UBE3B: variants seen among roughly 807,000 people sequenced by gnomAD.
The protein encoded by UBE3B is ubiquitin protein ligase E3B.
A neutral mutation model predicts 132.3 loss-of-function variants in UBE3B; 80 were observed. The ratio of observed to expected loss-of-function variants is 0.60; its 90% CI spans 0.50 to 0.73. The LOEUF (loss-of-function observed/expected upper bound fraction) is 0.73, where lower values mean the gene tolerates loss of function less well. Ranked by LOEUF, UBE3B falls within the 30% of genes least tolerant of loss-of-function variation. The pLI, the probability that UBE3B is intolerant of heterozygous loss-of-function variation, is 0.00. For missense variants in UBE3B, 1,196 were observed against 1,362.5 expected, an observed-to-expected ratio of 0.88 and a Z score of 1.92; for synonymous variants, 487 against 520.4, an observed-to-expected ratio of 0.94 and a Z score of 0.87.
At chr12:109,480,921 G>A (rs895905779) in intron 1 of UBE3B, among the ~76,000 whole-genome samples, 1 of 152,036 alleles carries the variant, frequency 6.6e-6, no homozygotes, top group Admixed American at 6.6e-5. Flanking sequence ...TAGGTAATTG[G>A]GGTCTTATTG....
chr12:109,490,373 T>C, intron 8 of UBE3B: 1 of 1,492,186 alleles, frequency 6.7e-7, no homozygotes. Flanking sequence ...CTTTGTACCT[T>C]GTTGTGCCAG....
intron 6 of UBE3B, among the ~76,000 whole-genome samples, chr12:109,487,433 C>T (rs1203701475): frequency 2.0e-5 from 3 of 152,208 alleles, no homozygotes; most frequent in Admixed American, 2.0e-4. Context: ...CGCCCCCAAC[C>T]CCAGTAATAA....
intron 27 of UBE3B, chr12:109,533,867 T>A (rs750638203): frequency 7.8e-7 from 1 of 1,288,102 alleles, no homozygotes; most frequent in Non-Finnish European, 1.0e-6. Context: ...GCTCCAGATC[T>A]GAGGCAGCAT....
intron 18 of UBE3B, 27 bp downstream of exon 18, chr12:109,511,330 G>A (rs1356019817): frequency 8.7e-6 from 14 of 1,604,346 alleles, no homozygotes; most frequent in African/African-American, 1.3e-5. Context: ...GCTGGGCCCC[G>A]ATGTGTCTTT....
At chr12:109,488,771 G>A (rs2135819050) in intron 7 of UBE3B, 103 bp downstream of exon 7, 1 of 1,056,074 alleles carries the variant, frequency 9.5e-7, no homozygotes. Flanking sequence ...AAGCCTCAGG[G>A]AAGGCCCTGA....
At chr12:109,526,850 G>A (rs1459213207) in intron 24 of UBE3B, among the ~76,000 whole-genome samples, 1 of 145,530 alleles carries the variant, frequency 6.9e-6, no homozygotes, top group Admixed American at 6.9e-5. Flanking sequence ...CAGCCTGGGC[G>A]ACAGAGTGAG....
chr12:109,524,844 T>A (rs1398001494), intron 23 of UBE3B, among the ~76,000 whole-genome samples: 4 of 151,964 alleles, frequency 2.6e-5, no homozygotes, highest in Non-Finnish European at 5.9e-5. Flanking sequence ...AGATGCCACC[T>A]GAGAAGCGCC....
In UBE3B at chr12:109,534,693, C is replaced by A; in HGVS notation, c.3118C>A (p.Leu1040Ile). 6.2e-7 allele frequency: 1 copy of A among 1,608,854 alleles called. No individual in the cohort carries two copies. ...CACCTCCTCCACCTGCTTCAACCTG[C>A]TCAAGCTGCCCAACTACAGCAAGAA... The part of the protein sequence containing the change: ...LPTSSTCFNL[L>I]KLPNYSKKSV... The change falls in exon 28 of 28, where the codon CTC becomes ATC. Residue 1040 changes from leucine to isoleucine, a missense_variant. Leu to Ile is a conservative substitution (Grantham distance 5). Coordinates refer to ENST00000342494, the MANE Select transcript of UBE3B (RefSeq NM_130466.4). This position sits in a 1 kb window ranked among gnomAD's most constrained non-coding sequence, Gnocchi z 5.2.
intron 14 of UBE3B, among the ~76,000 whole-genome samples, chr12:109,506,664 C>G (rs1277692729): frequency 2.0e-5 from 3 of 152,302 alleles, no homozygotes; most frequent in East Asian, 1.9e-4. Context: ...AAATCTGTTT[C>G]TTTACACATT....
rs1477148918 is a variant in UBE3B at position 109,503,154 on chromosome 12, A to T, written c.1414A>T (p.Thr472Ser). The change falls in exon 14 of 28, where the codon ACA (threonine) becomes TCA (serine). Residue 472 changes from threonine (T) to serine (S), a missense_variant. Physicochemically the swap from Thr to Ser is moderately conservative, Grantham distance 58. Transcript: ENST00000342494. ...CTGTGTCCTCTACCAGACCTCGCTG[A>T]CAACTCTCACACAGATTCGGCTGCA... is the stretch of plus-strand genomic sequence containing the variant. ...NICVLYQTSL[T>S]TLTQIRLQIL... The T allele has an allele frequency of 6.2e-7, 1 of 1,614,232 alleles. No individual in the cohort carries two copies. The highest frequency in any genetic ancestry group is 8.5e-7 in the Non-Finnish European group (1 of 1,180,048).
intron 17 of UBE3B, 28 bp downstream of exon 17, chr12:109,510,486 A>C (rs1880239556): frequency 6.3e-7 from 1 of 1,577,056 alleles, no homozygotes; most frequent in African/African-American, 1.3e-5. Context: ...GGAGGGCTCC[A>C]TGGAAGCCAG....
chr12:109,536,775 G>A (rs2136167115), downstream of UBE3B: 1 of 152,372 alleles, frequency 6.6e-6, no homozygotes. Context: ...GGCTTAGGGA[G>A]CATGTAGGCT....
downstream of UBE3B, among the ~76,000 whole-genome samples, chr12:109,541,139 C>T (rs916546112): frequency 2.6e-5 from 4 of 152,254 alleles, no homozygotes; most frequent in East Asian, 1.9e-4. Context: ...CACCTGCCTG[C>T]GGCTGAGTGG....
In UBE3B at chr12:109,509,756, C is replaced by A. The variant is rs760050754; in HGVS notation, c.1741+42C>A. ...CTGCTGTTGTTTGGTTGATGCTGCA[C>A]CCAGGGAGGCCGAAGAGTCTATGGC... On this transcript the variant is annotated intron_variant, in intron 16 of 27. Coordinates refer to ENST00000342494, the MANE Select transcript of UBE3B (RefSeq NM_130466.4). 3.0e-6 allele frequency: 4 copies of A among 1,322,938 alleles called. No homozygotes were observed. In the South Asian group the frequency reaches 5.3e-5, roughly 17 times the overall value. The allele number at this position is 1,322,938 out of a possible 1,614,324, so 81.9% of individuals were successfully genotyped here.
chr12:109,497,962 GTGTTTTTCTTTTC>G lies in UBE3B; in HGVS notation c.819+41_819+53del, dbSNP rs756221182. On this transcript the variant is annotated intron_variant, in intron 10 of 27. Transcript: ENST00000342494. ...GTGAGTTCCCCGTGAAAACCCAATT[GTGTTTTTCTTTTC>G]TTCTTAAACATTAGAAAGTAAAATG... is the stretch of plus-strand genomic sequence containing the variant. The G allele has an allele frequency of 3.1e-6, 5 of 1,599,540 alleles. No homozygotes were observed. In the East Asian group the frequency reaches 8.9e-5, roughly 29 times the overall value.
chr12:109,489,805 C>T lies in UBE3B; in HGVS notation c.545-114C>T, dbSNP rs910599254. ...GGCCTAAGGGAAAAGGGAGGCAAGC[C>T]AGGGGGTATCTCATTTCTTAGGGCC... On this transcript the variant is annotated intron_variant, in intron 7 of 27. Transcript: ENST00000342494. 36 of 959,910 alleles carry T rather than the reference C, an allele frequency of 3.8e-5. No individual in the cohort carries two copies. The African/African-American group carries it at 5.6e-4, about 15-fold the overall frequency. The allele number at this position is 959,910 out of a possible 1,614,324, so 59.5% of individuals were successfully genotyped here.
At chr12:109,505,010 T>A (rs568844763) in intron 14 of UBE3B, among the ~76,000 whole-genome samples, 2 of 152,092 alleles carry the variant, frequency 1.3e-5, no homozygotes, top group Admixed American at 1.3e-4. Context: ...GGGGTTTCAC[T>A]GTGTTAGCCA....
intron 12 of UBE3B, 58 bp from the exon 13 acceptor site, chr12:109,501,313 G>A (rs1005261944): frequency 1.2e-6 from 2 of 1,604,106 alleles, no homozygotes; most frequent in African/African-American, 2.7e-5. Flanking sequence ...TGTGTGGGCT[G>A]GCCCTGGCCC....
intron 18 of UBE3B, among the ~76,000 whole-genome samples, chr12:109,516,427 T>C (rs564194252): frequency 6.6e-6 from 1 of 152,180 alleles, no homozygotes; most frequent in Non-Finnish European, 1.5e-5. Context: ...TCCGCCCACC[T>C]GGGCCTCCCA....
Sources: gnomAD v4.1 joint callset for allele counts (sites outside exome capture counted in the v4.1 genomes callset) on GRCh38, gnomAD v4.1.1 for gene constraint, Gnocchi (gnomAD v3.1) non-coding constraint, MANE v1.5 for transcripts, NCBI Gene and HGNC (gene_info 2026-07-23, HGNC 2026-07-21) for gene names.